ZNF704: variants seen among roughly 807,000 people sequenced by gnomAD.
ZNF704 encodes the protein zinc finger protein 704.
A neutral mutation model predicts 44.7 loss-of-function variants in ZNF704; 10 were observed. The ratio of observed to expected loss-of-function variants is 0.22; its 90% CI spans 0.14 to 0.38. The LOEUF (loss-of-function observed/expected upper bound fraction) is 0.38. Among genes scored for constraint, ZNF704 ranks in the 10% least tolerant of loss-of-function variants. The pLI, the probability that ZNF704 is intolerant of heterozygous loss-of-function variation, is 1.00. For synonymous variants in ZNF704, 211 were observed against 207.6 expected, an observed-to-expected ratio of 1.02 and a Z score of -0.14; for missense variants, 390 against 545.5, an observed-to-expected ratio of 0.71 and a Z score of 2.84.
chr8:80,820,620 C>T (rs891280067), intron 2 of ZNF704, among the ~76,000 whole-genome samples: 2 of 151,978 alleles, frequency 1.3e-5, no homozygotes, highest in African/African-American at 4.8e-5. Flanking sequence ...AAAAGGCAGG[C>T]CAGGCACAGT....
chr8:80,833,835 G>A (rs1434280672), intron 1 of ZNF704, among the ~76,000 whole-genome samples: 1 of 152,176 alleles, frequency 6.6e-6, no homozygotes, highest in African/African-American at 2.4e-5. Context: ...GAGATGGGAG[G>A]AAACCTCAAA....
At chr8:80,733,584 T>C (rs1232018171) in intron 2 of ZNF704, among the ~76,000 whole-genome samples, 4 of 152,176 alleles carry the variant, frequency 2.6e-5, no homozygotes, top group African/African-American at 9.7e-5. Context: ...CAATCCAAAG[T>C]GTGGGGCATT....
chr8:80,838,960 G>C (rs1452731207), intron 1 of ZNF704, among the ~76,000 whole-genome samples: 1 of 152,222 alleles, frequency 6.6e-6, no homozygotes, highest in Non-Finnish European at 1.5e-5. Flanking sequence ...CAGACCAGCA[G>C]TAGTGGGAGC....
intron 1 of ZNF704, among the ~76,000 whole-genome samples, chr8:80,872,819 T>C (rs762973152): frequency 2.6e-4 from 39 of 152,148 alleles, no homozygotes; most frequent in Admixed American, 4.6e-4. Context: ...CCAATTTAAA[T>C]GCTACCCCCC....
At chr8:80,788,925 T>C (rs1235325485) in intron 2 of ZNF704, among the ~76,000 whole-genome samples, 1 of 152,178 alleles carries the variant, frequency 6.6e-6, no homozygotes, top group African/African-American at 2.4e-5. Flanking sequence ...CTCTACTTCT[T>C]AAACCAGATC....
At chr8:80,853,233 G>T (rs901681774) in intron 1 of ZNF704, among the ~76,000 whole-genome samples, 4 of 152,206 alleles carry the variant, frequency 2.6e-5, no homozygotes, top group African/African-American at 9.6e-5. Flanking sequence ...AGGCATGGTG[G>T]TGTGTTCCTG....
In ZNF704 at chr8:80,635,121, T is replaced by G. The variant is rs969948426; in HGVS notation, c.*6245A>C. Reference sequence around the variant, plus strand: ...AGCTTTGCTTTTGATGTTATCTGCATACTTGGCTAATTAGGCTAGCTTTTG... The same window carrying G: ...AGCTTTGCTTTTGATGTTATCTGCAGACTTGGCTAATTAGGCTAGCTTTTG... On this transcript the variant is annotated 3_prime_UTR_variant, in exon 9 of 9. Transcript: ENST00000327835. 6.6e-6 allele frequency: 1 copy of G among 152,248 alleles called. No individual in the cohort carries two copies. Among genetic ancestry groups the G allele is most frequent in the Non-Finnish European group, 1.5e-5 (1 of 68,044 alleles). The allele number at this position is 152,248 out of a possible 1,614,324, so 9.4% of individuals were successfully genotyped here. A position where few individuals can be genotyped will look rare whatever the true frequency, so the allele number is the denominator to read the frequency against.
intron 3 of ZNF704, among the ~76,000 whole-genome samples, chr8:80,688,450 G>A (rs1818578107): frequency 6.6e-6 from 1 of 152,188 alleles, no homozygotes; most frequent in South Asian, 2.1e-4. Context: ...TTCAGAATAA[G>A]GATTATTATC....
chr8:80,666,941 T>G (rs1818204558), intron 5 of ZNF704, among the ~76,000 whole-genome samples: 2 of 152,124 alleles, frequency 1.3e-5, no homozygotes, highest in Admixed American at 6.5e-5. Context: ...TGGTAGTTTC[T>G]TTTGCTGTGC....
At chr8:80,843,001 A>G (rs1808706747) in intron 1 of ZNF704, among the ~76,000 whole-genome samples, 1 of 152,194 alleles carries the variant, frequency 6.6e-6, no homozygotes, top group Non-Finnish European at 1.5e-5. Context: ...TCAACTCAAG[A>G]GGTGAGTCAA....
intron 2 of ZNF704, among the ~76,000 whole-genome samples, chr8:80,741,807 C>T (rs1806762681): frequency 6.6e-6 from 1 of 152,096 alleles, no homozygotes; most frequent in Admixed American, 6.6e-5. Flanking sequence ...GATGGAAGTT[C>T]CTTTGTGAAA....
chr8:80,868,720 C>T (rs539505976), intron 1 of ZNF704, among the ~76,000 whole-genome samples: 18 of 152,286 alleles, frequency 1.2e-4, no homozygotes, highest in Admixed American at 7.8e-4. Flanking sequence ...CCCAAACTGT[C>T]GTGGATTTCA....
intron 1 of ZNF704, among the ~76,000 whole-genome samples, chr8:80,863,295 T>C (rs979493410): frequency 2.0e-5 from 3 of 152,238 alleles, no homozygotes; most frequent in Admixed American, 2.0e-4. Context: ...GCAGCTGAGT[T>C]GCAAAGCATG....
In ZNF704 at chr8:80,632,158, T is replaced by C. The variant is rs1356262544; in HGVS notation, c.*9208A>G. 2 of 152,160 alleles carry C rather than the reference T, an allele frequency of 1.3e-5. No individual in the cohort carries two copies. The highest frequency in any genetic ancestry group is 4.8e-5 in the African/African-American group (2 of 41,442). 9.4% of individuals were successfully genotyped at this position (152,160 alleles called of 1,614,324 possible). A position where few individuals can be genotyped will look rare whatever the true frequency, so the allele number is the denominator to read the frequency against. On this transcript the variant is annotated 3_prime_UTR_variant, in exon 9 of 9. Transcript: ENST00000327835. The stretch of plus-strand genomic sequence containing the variant: ...ATTCAGAAGAAATAGATGAGCACCT[T>C]TGTTTTTTTCTGTTTAAAGGAAATT...
chr8:80,727,341 AT>A (rs990436563), intron 2 of ZNF704, among the ~76,000 whole-genome samples: 12 of 152,160 alleles, frequency 7.9e-5, no homozygotes, highest in African/African-American at 2.7e-4. Context: ...GAGGGGAAAG[AT>A]TCTGCTCTCA....
chr8:80,811,465 C>A (rs1808081010), intron 2 of ZNF704, among the ~76,000 whole-genome samples: 1 of 152,092 alleles, frequency 6.6e-6, no homozygotes, highest in African/African-American at 2.4e-5. Flanking sequence ...ATATAACCTG[C>A]AGCAGAGATA....
chr8:80,809,987 C>T (rs1000246190), intron 2 of ZNF704, among the ~76,000 whole-genome samples: 1 of 152,172 alleles, frequency 6.6e-6, no homozygotes, highest in Non-Finnish European at 1.5e-5. Context: ...ACTATGCTCC[C>T]TACCAGCTTT....
At chr8:80,727,915 G>C (rs1304531899) in intron 2 of ZNF704, among the ~76,000 whole-genome samples, 1 of 152,128 alleles carries the variant, frequency 6.6e-6, no homozygotes, top group Non-Finnish European at 1.5e-5. Context: ...GGAAAGCAGA[G>C]CTTATCAGTA....
At chr8:80,741,118 G>A (rs182414795) in intron 2 of ZNF704, among the ~76,000 whole-genome samples, 2 of 152,216 alleles carry the variant, frequency 1.3e-5, no homozygotes, top group Non-Finnish European at 2.9e-5. Flanking sequence ...GCAACTAAGA[G>A]GGCTCCTTGG....
Sources: allele counts gnomAD v4.1 joint callset (sites outside exome capture counted in the v4.1 genomes callset), GRCh38; gene constraint gnomAD v4.1.1; transcripts MANE v1.5; gene names NCBI Gene and HGNC (gene_info 2026-07-23, HGNC 2026-07-21).